ZNF710: variants seen among roughly 807,000 people sequenced by gnomAD.
The protein encoded by ZNF710 is zinc finger protein 710.
A neutral mutation model predicts 50.6 loss-of-function variants in ZNF710; 13 were observed. The observed-to-expected ratio is 0.26, with a 90% CI of 0.17 to 0.41. ZNF710 has a LOEUF of 0.41. Ranked by LOEUF, ZNF710 falls within the 10% of genes least tolerant of loss-of-function variation. The pLI is 1.00. For synonymous variants in ZNF710, 383 were observed against 397.0 expected (o/e 0.96, Z 0.42); for missense variants, 721 against 936.6 (o/e 0.77, Z 3.01).
At chr15:90,058,628 G>A (rs1899901248) in intron 1 of ZNF710, among the ~76,000 whole-genome samples, 1 of 151,824 alleles carries the variant, frequency 6.6e-6, no homozygotes, top group Non-Finnish European at 1.5e-5. Context: ...CAGGGGAGAT[G>A]ATCCACAGTG....
At chr15:90,008,453 T>TAC (rs1898208603) in intron 1 of ZNF710, among the ~76,000 whole-genome samples, 24 of 127,900 alleles carry the variant, frequency 1.9e-4, no homozygotes, top group African/African-American at 8.0e-4. Flanking sequence ...TATATATATA[T>TAC]GTATATATAT....
intron 1 of ZNF710, among the ~76,000 whole-genome samples, chr15:90,012,387 G>A (rs183820657): frequency 2.0e-5 from 3 of 148,216 alleles, no homozygotes; most frequent in African/African-American, 7.6e-5. Flanking sequence ...CCGCCCCCCG[G>A]GTTCACACCA....
At chr15:90,018,232 G>A (rs1018663541) in intron 1 of ZNF710, among the ~76,000 whole-genome samples, 11 of 147,774 alleles carry the variant, frequency 7.4e-5, no homozygotes, top group Non-Finnish European at 1.5e-4. Flanking sequence ...ACAGTGGCGT[G>A]ATCTCGACTC....
chr15:90,043,506 C>T (rs555457234), intron 1 of ZNF710, among the ~76,000 whole-genome samples: 17 of 152,258 alleles, frequency 1.1e-4, no homozygotes, highest in Non-Finnish European at 2.1e-4. Flanking sequence ...TAACCTGTTT[C>T]GGGGAAGCCT....
At chr15:90,060,216 A>G (rs1244592348) in intron 1 of ZNF710, among the ~76,000 whole-genome samples, 1 of 151,890 alleles carries the variant, frequency 6.6e-6, no homozygotes, top group East Asian at 1.9e-4. Context: ...CCTTCTATCT[A>G]CCCACAAGCA....
chr15:90,000,093 A>G (rs1897977898), upstream of ZNF710, among the ~76,000 whole-genome samples: 1 of 151,112 alleles, frequency 6.6e-6, no homozygotes, highest in Admixed American at 6.6e-5. Flanking sequence ...CCCGGCATCC[A>G]GCAGGTGCTC....
chr15:90,051,414 G>A (rs1174365432), intron 1 of ZNF710, among the ~76,000 whole-genome samples: 3 of 151,740 alleles, frequency 2.0e-5, no homozygotes, highest in Non-Finnish European at 4.4e-5. Context: ...CGGGCGGATC[G>A]CCTGAGGTCA....
rs1203523224 is a variant in ZNF710, at chr15:90,073,265, A to G, written c.1650+3A>G. The stretch of plus-strand genomic sequence containing the variant: ...CCGTGAAGCCATTCAAATGCAAGGT[A>G]CCCGGTCATCAGGCCCCGGGGCTGG... On this transcript the variant is annotated splice_donor_region_variant and intron_variant, in intron 3 of 4. Coordinates refer to ENST00000268154, the MANE Select transcript of ZNF710 (RefSeq NM_198526.4). 5 of 1,609,434 alleles carry G rather than the reference A, an allele frequency of 3.1e-6. No individual in the cohort carries two copies. Among genetic ancestry groups the G allele is most frequent in the Admixed American group, 3.3e-5 (2 of 59,964 alleles).
chr15:90,018,654 C>A (rs1250251898), intron 1 of ZNF710, among the ~76,000 whole-genome samples: 6 of 152,166 alleles, frequency 3.9e-5, no homozygotes. Flanking sequence ...TTGGCCCCTG[C>A]CTGCCCCTCA....
chr15:90,079,772 G>A lies in ZNF710; in HGVS notation c.1938G>A (p.Glu646=), dbSNP rs774847859. 5 of 1,613,094 alleles carry A rather than the reference G, an allele frequency of 3.1e-6. No individual in the cohort carries two copies. The Admixed American group carries it at 6.7e-5, about 22-fold the overall frequency. The change falls in exon 5 of 5, where the codon GAG becomes GAA. Residue 646 remains glutamate, a synonymous_variant. Transcript: ENST00000268154. ...YSYASVDSSA[E]ASVLTEQAMK... is the part of the protein sequence containing the mutation. The stretch of plus-strand genomic sequence containing the variant: ...ATGCGAGCGTGGACAGCAGCGCCGA[G>A]GCCAGTGTCCTCACTGAACAGGCCA...
intron 1 of ZNF710, chr15:90,025,331 C>T (rs986498050): frequency 1.3e-5 from 2 of 152,148 alleles, no homozygotes; most frequent in African/African-American, 4.8e-5. Flanking sequence ...GTTCTAACAG[C>T]AGAGCATGTC....
chr15:90,054,115 G>A (rs1391159263), intron 1 of ZNF710, among the ~76,000 whole-genome samples: 2 of 152,180 alleles, frequency 1.3e-5, no homozygotes, highest in Non-Finnish European at 2.9e-5. Flanking sequence ...GAGATAAAAG[G>A]AGAGTAAAAG....
chr15:90,079,272 C>T (rs2970358), intron 4 of ZNF710, among the ~76,000 whole-genome samples: 63,410 of 152,098 alleles, frequency 0.42, 13,716 homozygotes, highest in East Asian at 0.67. Flanking sequence ...CTAATGAGTG[C>T]TGCAAAGGTG....
chr15:90,009,799 C>G (rs1438723063), intron 1 of ZNF710, among the ~76,000 whole-genome samples: 1 of 152,040 alleles, frequency 6.6e-6, no homozygotes, highest in Non-Finnish European at 1.5e-5. Flanking sequence ...TTCTCCTTGC[C>G]AGCTCAACAA....
chr15:90,027,930 GC>G (rs1190043327), intron 1 of ZNF710, among the ~76,000 whole-genome samples: 2 of 151,966 alleles, frequency 1.3e-5, no homozygotes, highest in Non-Finnish European at 2.9e-5. Flanking sequence ...TAAAGAAAAT[GC>G]CAAATGGTGA....
upstream of ZNF710, among the ~76,000 whole-genome samples, chr15:89,999,918 A>C (rs960093373): frequency 2.6e-5 from 4 of 151,714 alleles, no homozygotes; most frequent in Non-Finnish European, 4.4e-5. Context: ...GGAGGAAGGA[A>C]GGGAAGGGAA....
chr15:90,002,130 G>A (rs1265192223), intron 1 of ZNF710, among the ~76,000 whole-genome samples: 1 of 151,452 alleles, frequency 6.6e-6, no homozygotes, highest in Non-Finnish European at 1.5e-5. Flanking sequence ...CACCCGGCCC[G>A]GGACTCAAAG....
chr15:90,021,019 C>CG (rs1555456033), intron 1 of ZNF710, among the ~76,000 whole-genome samples: 1 of 40,320 alleles, frequency 2.5e-5, no homozygotes, highest in Admixed American at 2.0e-4. Flanking sequence ...ACCCCCCCCC[C>CG]CTTAGCAGCC....
chr15:89,998,394 C>G (rs118172691), upstream of ZNF710, among the ~76,000 whole-genome samples: 15 of 152,328 alleles, frequency 9.8e-5, no homozygotes, highest in East Asian at 2.9e-3. Flanking sequence ...CTCTGCTGAT[C>G]AGGCTGGGCC....
Sources: allele counts gnomAD v4.1 joint callset (sites outside exome capture counted in the v4.1 genomes callset), GRCh38; gene constraint gnomAD v4.1.1; transcripts MANE v1.5; gene names NCBI Gene and HGNC (gene_info 2026-07-23, HGNC 2026-07-21).